ANKS6: variants seen among roughly 807,000 people sequenced by gnomAD.
The protein encoded by ANKS6 is ankyrin repeat and sterile alpha motif domain containing 6.
ANKS6 carries 47 observed loss-of-function variants against 77.9 expected under a neutral mutation model. The ratio of observed to expected loss-of-function variants is 0.60; its 90% CI spans 0.48 to 0.77. The LOEUF is 0.77. Among genes scored for constraint, ANKS6 ranks in the 30% least tolerant of loss-of-function variants. The pLI is 0.00. For synonymous variants in ANKS6, 488 were observed against 501.7 expected (o/e 0.97, Z 0.37); for missense variants, 1,150 against 1,159.1 (o/e 0.99, Z 0.11).
At chr9:98,787,692 C>T (rs1260748669) in intron 2 of ANKS6, among the ~76,000 whole-genome samples, 1 of 152,138 alleles carries the variant, frequency 6.6e-6, no homozygotes, top group East Asian at 1.9e-4. Context: ...CTATTCCTCA[C>T]AAAAATCTCC....
At chr9:98,751,906 T>A (rs1030506791) in intron 12 of ANKS6, among the ~76,000 whole-genome samples, 48 of 151,990 alleles carry the variant, frequency 3.2e-4, no homozygotes, top group African/African-American at 1.1e-3. Context: ...TATAATGAGA[T>A]TTCATCTCTA....
intron 11 of ANKS6, among the ~76,000 whole-genome samples, chr9:98,761,081 G>A (rs1172462783): frequency 6.6e-6 from 1 of 152,146 alleles, no homozygotes; most frequent in African/African-American, 2.4e-5. Flanking sequence ...CAGTCTGACA[G>A]GTATATAGCT....
At chr9:98,743,898 C>G (rs1831976579) in intron 14 of ANKS6, among the ~76,000 whole-genome samples, 1 of 152,206 alleles carries the variant, frequency 6.6e-6, no homozygotes, top group African/African-American at 2.4e-5. Context: ...GTTGATTCAC[C>G]TTCTGTGAGC....
intron 11 of ANKS6, among the ~76,000 whole-genome samples, chr9:98,767,261 C>T (rs1303889900): frequency 1.3e-5 from 2 of 152,308 alleles, no homozygotes; most frequent in Non-Finnish European, 1.5e-5. Flanking sequence ...GTCCTTCCTT[C>T]AGCTCCTCCC....
At chr9:98,783,893 C>T (rs1834412780) in intron 4 of ANKS6, 60 bp downstream of exon 4, 1 of 1,416,032 alleles carries the variant, frequency 7.1e-7, no homozygotes, top group Non-Finnish European at 9.3e-7. Context: ...TTGGGAACCT[C>T]CATCTCAGGC....
chr9:98,776,750 C>A (rs191707196), intron 8 of ANKS6, among the ~76,000 whole-genome samples: 1 of 152,296 alleles, frequency 6.6e-6, no homozygotes, highest in East Asian at 1.9e-4. Flanking sequence ...GCTACCTCTT[C>A]TCCCCTCCTC....
rs147653985 is a variant in ANKS6, at chr9:98,792,981, A to G, written c.360-2375T>C. ...GGCTGAGATAATGTTGTGGATGCTA[A>G]GTTTCTAATAGGTAACTGCCGGAGA... is the stretch of plus-strand genomic sequence containing the variant. On this transcript the variant is annotated intron_variant, in intron 1 of 14. Coordinates refer to ENST00000353234, the MANE Select transcript of ANKS6 (RefSeq NM_173551.5). 4.7e-4 allele frequency among the ~76,000 whole-genome samples: 71 copies of G among 152,366 alleles called. 2 individuals carry two copies. The East Asian group carries it at 0.013, about 27-fold the overall frequency.
In ANKS6 at chr9:98,745,687, G is replaced by A. The variant is rs768632416; in HGVS notation, c.2395-12C>T. 2 of 1,605,060 alleles carry A rather than the reference G, an allele frequency of 1.2e-6. No homozygotes were observed. Among genetic ancestry groups the A allele is most frequent in the Admixed American group, 3.3e-5 (2 of 60,008 alleles). Reference sequence around the variant, plus strand: ...GCTTCCATGTCCACCTGGGGAGAGAGAGGGGATTTGCCACCATCTGCTGGA... The same window carrying A: ...GCTTCCATGTCCACCTGGGGAGAGAAAGGGGATTTGCCACCATCTGCTGGA... On this transcript the variant is annotated splice_polypyrimidine_tract_variant and intron_variant, in intron 13 of 14. Coordinates refer to ENST00000353234, the MANE Select transcript of ANKS6 (RefSeq NM_173551.5).
chr9:98,734,435 CA>C lies in ANKS6; in HGVS notation c.*2083del. The C allele has an allele frequency of 1.0e-6, 1 of 985,442 alleles. No homozygotes were observed. Among genetic ancestry groups the C allele is most frequent in the Non-Finnish European group, 1.2e-6 (1 of 829,960 alleles). 61.0% of individuals were successfully genotyped at this position (985,442 alleles called of 1,614,324 possible). ...AAAAAAACAGGACCACAGCAAAAAGCAGGCACAAAACCTCAAAGCACATAAC... is the reference window on the plus strand; with the variant it reads ...AAAAAAACAGGACCACAGCAAAAAGCGGCACAAAACCTCAAAGCACATAAC... On this transcript the variant is annotated 3_prime_UTR_variant, in exon 15 of 15. Transcript: ENST00000353234.
rs1417996786 is a variant in ANKS6, at chr9:98,732,361, G to C, written c.*4158C>G. The C allele has an allele frequency of 1.4e-5, 14 of 999,708 alleles. No individual in the cohort carries two copies. Among genetic ancestry groups the C allele is most frequent in the South Asian group, 6.5e-5 (4 of 61,552 alleles). The allele number at this position is 999,708 out of a possible 1,614,324, so 61.9% of individuals were successfully genotyped here. A position where few individuals can be genotyped will look rare whatever the true frequency, so the allele number is the denominator to read the frequency against. On this transcript the variant is annotated 3_prime_UTR_variant, in exon 15 of 15. Transcript: ENST00000353234. ...CCGCTGGATCAGCTTCTACGACTTG[G>C]TCAAACTATCTTTCTTTCTGTCTGC...
intron 14 of ANKS6, among the ~76,000 whole-genome samples, chr9:98,736,825 G>T (rs1474800410): frequency 6.6e-6 from 1 of 152,116 alleles, no homozygotes; most frequent in Non-Finnish European, 1.5e-5. Flanking sequence ...CACCATCGCA[G>T]CCTGTCAATG....
intron 12 of ANKS6, among the ~76,000 whole-genome samples, chr9:98,755,842 T>G (rs1564188688): frequency 6.6e-6 from 1 of 152,114 alleles, no homozygotes; most frequent in Non-Finnish European, 1.5e-5. Flanking sequence ...GCCTTTACAC[T>G]TGGGATTTTG....
intron 3 of ANKS6, 126 bp from the exon 4 acceptor site, chr9:98,784,283 T>C (rs891274765): frequency 6.3e-5 from 53 of 840,546 alleles, no homozygotes; most frequent in African/African-American, 1.2e-4. Context: ...CTGGGCATCA[T>C]AGGGGATACT....
At chr9:98,782,669 G>T in intron 4 of ANKS6, 96 bp from the exon 5 acceptor site, 1 of 961,326 alleles carries the variant, frequency 1.0e-6, no homozygotes, top group Non-Finnish European at 1.6e-6. Flanking sequence ...CTCAGTCTCT[G>T]AGCATTTAAG....
Position 98,756,287 on chromosome 9 carries a change from A to C in ANKS6, c.2326+133T>G, listed in dbSNP as rs189920403. On this transcript the variant is annotated intron_variant, in intron 12 of 14. Coordinates refer to ENST00000353234, the MANE Select transcript of ANKS6 (RefSeq NM_173551.5). ...AAGGTACAATCAGAGAAGAGGAGGG[A>C]CATGTTTGTCGTAAATCTTCTTAAA... 11 of 923,998 alleles carry C rather than the reference A, an allele frequency of 1.2e-5. No homozygotes were observed. In the African/African-American group the frequency reaches 1.7e-4, roughly 14 times the overall value. 57.2% of individuals were successfully genotyped at this position (923,998 alleles called of 1,614,324 possible).
At position 98,768,105 on chromosome 9, in the gene ANKS6, T is replaced by C. The variant is rs771493166; in HGVS notation, c.2118A>G (p.Ala706=). ...CCTTGCCAACAGGAGCGCTGCCACCTGCAGGGGAGGCTGGAAGCTCAGACG... is the reference window on the plus strand; with the variant it reads ...CCTTGCCAACAGGAGCGCTGCCACCCGCAGGGGAGGCTGGAAGCTCAGACG... The part of the protein sequence containing the change: ...SSPSELPASP[A]GGSAPVGKKL... Residue 706 remains alanine (A), a synonymous_variant, in exon 11 of 15, where the codon GCA becomes GCG. Coordinates refer to ENST00000353234, the MANE Select transcript of ANKS6 (RefSeq NM_173551.5). 1 of 1,611,660 alleles carries C rather than the reference T, an allele frequency of 6.2e-7. No homozygotes were observed. The highest frequency in any genetic ancestry group is 1.3e-5 in the African/African-American group (1 of 75,012).
chr9:98,789,428 T>TA (rs11437180), intron 2 of ANKS6, among the ~76,000 whole-genome samples: 75,645 of 129,930 alleles, frequency 0.58, 22,341 homozygotes, highest in Non-Finnish European at 0.62. Flanking sequence ...GGCAAGAAGT[T>TA]AAAAAAAAAA....
At chr9:98,792,521 A>C (rs545066408) in intron 1 of ANKS6, among the ~76,000 whole-genome samples, 5 of 152,328 alleles carry the variant, frequency 3.3e-5, no homozygotes, top group Non-Finnish European at 7.3e-5. Flanking sequence ...GCATAACCAC[A>C]TAGGGGAAGG....
intron 9 of ANKS6, among the ~76,000 whole-genome samples, chr9:98,772,115 T>C (rs12686258): frequency 0.18 from 27,731 of 152,196 alleles, 3,104 homozygotes; most frequent in Admixed American, 0.24. Context: ...GACTGTTACC[T>C]TATGAGGCAT....
Sources: allele counts gnomAD v4.1 joint callset (sites outside exome capture counted in the v4.1 genomes callset), GRCh38; gene constraint gnomAD v4.1.1; transcripts MANE v1.5; gene names NCBI Gene and HGNC (gene_info 2026-07-23, HGNC 2026-07-21).